TENM4: variants seen among roughly 807,000 people sequenced by gnomAD.
TENM4 encodes teneurin-4.
In TENM4, 82 loss-of-function variants were observed where a neutral mutation model predicts 243.3. That is an observed-to-expected ratio of 0.34 (90% CI 0.28 to 0.40). TENM4 has a LOEUF of 0.40. Among genes scored for constraint, TENM4 ranks in the 10% least tolerant of loss-of-function variants. The pLI is 1.00. For synonymous variants in TENM4, 1,412 were observed against 1,456.3 expected, an observed-to-expected ratio of 0.97 and a Z score of 0.69; for missense variants, 3,138 against 3,673.3, an observed-to-expected ratio of 0.85 and a Z score of 3.77.
At chr11:78,691,380 G>C (rs1190158792) in intron 28 of TENM4, among the ~76,000 whole-genome samples, 1 of 152,198 alleles carries the variant, frequency 6.6e-6, no homozygotes, top group Admixed American at 6.5e-5. Flanking sequence ...TGCAGGATTG[G>C]ATGTGCAAGT....
Position 78,729,365 on chromosome 11 carries a change from G to T in TENM4, c.3406+11C>A. 1 of 1,563,886 alleles carries T rather than the reference G, an allele frequency of 6.4e-7. No individual in the cohort carries two copies. The highest frequency in any genetic ancestry group is 2.4e-5 in the East Asian group (1 of 42,272). ...GAGCTATTCTCTGAGTCCTGCAGCC[G>T]GGAGGCTTACCAAAGGCTTCTGAAA... On this transcript the variant is annotated intron_variant, in intron 22 of 33. Coordinates refer to ENST00000278550, the MANE Select transcript of TENM4 (RefSeq NM_001098816.3).
At chr11:78,667,567 C>T (rs1410139120) in intron 32 of TENM4, among the ~76,000 whole-genome samples, 1 of 152,150 alleles carries the variant, frequency 6.6e-6, no homozygotes, top group African/African-American at 2.4e-5. Flanking sequence ...ATGCTCTGGG[C>T]AGAGCAGGTG....
At chr11:79,059,744 C>T (rs916083310) in intron 6 of TENM4, among the ~76,000 whole-genome samples, 1 of 152,186 alleles carries the variant, frequency 6.6e-6, no homozygotes, top group African/African-American at 2.4e-5. Context: ...AACAATAACT[C>T]CCCAACAGCC....
chr11:78,740,730 C>T lies in TENM4; in HGVS notation c.2757-2160G>A, dbSNP rs189591497. 7.4e-3 allele frequency among the ~76,000 whole-genome samples: 1,121 copies of T among 152,336 alleles called. 12 individuals carry two copies. Among genetic ancestry groups the T allele is most frequent in the African/African-American group, 0.026 (1,083 of 41,574 alleles). ...CAGACATATGTGCCTCTGGATTCTGCCTGGACAGAAACCAGTCCTGGGGGG... is the reference window on the plus strand; with the variant it reads ...CAGACATATGTGCCTCTGGATTCTGTCTGGACAGAAACCAGTCCTGGGGGG... On this transcript the variant is annotated intron_variant, in intron 19 of 33. Coordinates refer to ENST00000278550, the MANE Select transcript of TENM4 (RefSeq NM_001098816.3).
At chr11:78,856,351 G>T (rs1247145595) in intron 10 of TENM4, among the ~76,000 whole-genome samples, 173 bp from the exon 11 acceptor site, 1 of 152,050 alleles carries the variant, frequency 6.6e-6, no homozygotes, top group Non-Finnish European at 1.5e-5. Context: ...GAGTAAAAAG[G>T]TCCAGAACTT....
intron 1 of TENM4, among the ~76,000 whole-genome samples, chr11:79,380,635 T>A (rs1049270080): frequency 4.6e-5 from 7 of 152,220 alleles, no homozygotes; most frequent in African/African-American, 1.7e-4. Context: ...AACTTGGGAA[T>A]GCACACTGTG....
intron 3 of TENM4, among the ~76,000 whole-genome samples, chr11:79,199,370 T>C (rs1229961512): frequency 2.0e-5 from 3 of 152,234 alleles, no homozygotes; most frequent in Non-Finnish European, 1.5e-5. Flanking sequence ...AGGCATTCAT[T>C]GTTTCAGCCG....
chr11:78,782,870 C>T (rs1038782441), intron 16 of TENM4, among the ~76,000 whole-genome samples: 12 of 151,740 alleles, frequency 7.9e-5, no homozygotes, highest in African/African-American at 2.4e-4. Context: ...CAAGTAATTG[C>T]ATCTTCAGGG....
rs141544174 is a variant in TENM4, at chr11:79,074,113, G to T, written c.-65-4104C>A. 9.2e-5 allele frequency among the ~76,000 whole-genome samples: 14 copies of T among 152,250 alleles called. No homozygotes were observed. In the East Asian group the frequency reaches 2.7e-3, roughly 29 times the overall value. ...CTTCCCTGTCACAAAGCTGAGGCAGGGAGAACATTCGCCTGGTTCTCATTT... is the reference window on the plus strand; with the variant it reads ...CTTCCCTGTCACAAAGCTGAGGCAGTGAGAACATTCGCCTGGTTCTCATTT... On this transcript the variant is annotated intron_variant, in intron 4 of 33. Coordinates refer to ENST00000278550, the MANE Select transcript of TENM4 (RefSeq NM_001098816.3).
At chr11:78,846,757 C>T (rs1255121966) in intron 12 of TENM4, among the ~76,000 whole-genome samples, 1 of 152,216 alleles carries the variant, frequency 6.6e-6, no homozygotes, top group Non-Finnish European at 1.5e-5. Context: ...ACCCAATGTC[C>T]AGACAAGGGT....
chr11:79,232,018 T>G (rs1478782213), intron 2 of TENM4, among the ~76,000 whole-genome samples: 2 of 152,128 alleles, frequency 1.3e-5, no homozygotes, highest in Admixed American at 1.3e-4. Flanking sequence ...AGGTGGAGAT[T>G]GCAGTGAGAC....
chr11:79,434,305 G>A (rs746538064), intron 1 of TENM4, among the ~76,000 whole-genome samples: 2 of 152,176 alleles, frequency 1.3e-5, no homozygotes, highest in Non-Finnish European at 2.9e-5. Flanking sequence ...ACAGCAGGTG[G>A]AGATAAGCTT....
At chr11:79,035,775 A>G (rs544874503) in intron 6 of TENM4, among the ~76,000 whole-genome samples, 1 of 152,298 alleles carries the variant, frequency 6.6e-6, no homozygotes, top group Non-Finnish European at 1.5e-5. Context: ...AAATAATTCT[A>G]GCATATTCAC....
At chr11:79,008,309 T>C (rs1229520419) in intron 6 of TENM4, among the ~76,000 whole-genome samples, 1 of 152,204 alleles carries the variant, frequency 6.6e-6, no homozygotes, top group Non-Finnish European at 1.5e-5. Flanking sequence ...AGGCGGTCCC[T>C]GGTGATTGCA....
Position 78,720,388 on chromosome 11 carries a change from T to C in TENM4, c.3803A>G (p.Asn1268Ser), listed in dbSNP as rs1565348040. The change falls in exon 25 of 34, where the codon AAT becomes AGT. Residue 1268 changes from asparagine (N) to serine (S), a missense_variant and splice_region_variant. Coordinates refer to ENST00000278550, the MANE Select transcript of TENM4 (RefSeq NM_001098816.3). ...GGCTTACCTATGTCTGAAATCTTTA[T>C]TTCTGACAGAAGACAGGAGAGCAGG... Reference protein sequence around the residue: ...GNVTNILELRNKDFRHSHSPA... With the variant: ...GNVTNILELRSKDFRHSHSPA... The C allele has an allele frequency of 6.2e-7, 1 of 1,613,922 alleles. No homozygotes were observed. The highest frequency in any genetic ancestry group is 2.2e-5 in the East Asian group (1 of 44,880).
At chr11:79,275,811 C>T (rs1230281460) in intron 2 of TENM4, among the ~76,000 whole-genome samples, 2 of 152,230 alleles carry the variant, frequency 1.3e-5, no homozygotes, top group African/African-American at 4.8e-5. Flanking sequence ...AGTTGGTTCT[C>T]CCTGGGTGAC....
rs576387166 is a variant in TENM4, at chr11:78,943,625, A to T, written c.494-40102T>A. On this transcript the variant is annotated intron_variant, in intron 6 of 33. Transcript: ENST00000278550. ...AATTTTCAAGGCATATTTAAAAACC[A>T]TTTTTTTTTCTAGTAGGGAAATGTA... is the stretch of plus-strand genomic sequence containing the variant. Among the ~76,000 whole-genome samples the T allele has an allele frequency of 1.8e-4, 27 of 151,274 alleles. No individual in the cohort carries two copies. The South Asian group carries it at 5.7e-3, about 32-fold the overall frequency.
intron 6 of TENM4, among the ~76,000 whole-genome samples, chr11:78,932,005 A>C (rs1039345319): frequency 2.0e-5 from 3 of 152,170 alleles, no homozygotes; most frequent in African/African-American, 7.2e-5. Flanking sequence ...ACAACAACAA[A>C]AAAAGGTAGT....
intron 29 of TENM4, among the ~76,000 whole-genome samples, chr11:78,687,636 G>A (rs1590938987): frequency 6.6e-6 from 1 of 152,266 alleles, no homozygotes; most frequent in Admixed American, 6.5e-5. Flanking sequence ...TCCTAGAAGA[G>A]GCACAAACCT....
Sources: allele counts gnomAD v4.1 joint callset (sites outside exome capture counted in the v4.1 genomes callset), GRCh38; gene constraint gnomAD v4.1.1; transcripts MANE v1.5; gene names NCBI Gene and HGNC (gene_info 2026-07-23, HGNC 2026-07-21).